USH2A: variants seen among roughly 807,000 people sequenced by gnomAD.
USH2A encodes usherin, also known as Usher syndrome 2A (autosomal recessive, mild).
Under a neutral mutation model 538.9 loss-of-function variants are expected in USH2A, and 443 were observed. That is an observed-to-expected ratio of 0.82 (90% confidence interval 0.76 to 0.89). The LOEUF is 0.89. Ranked by LOEUF, USH2A falls within the 40% of genes least tolerant of loss-of-function variation. The probability of loss-of-function intolerance (pLI) is 0.00; values close to 1 mark genes in which losing one functional copy is unlikely to be tolerated. For missense variants in USH2A, 6,633 were observed against 6,324.8 expected (o/e 1.05, Z -1.65); for synonymous variants, 2,413 against 2,273.5 (o/e 1.06, Z -1.75).
chr1:216,175,545 TCA>T, intron 20 of USH2A, 63 bp from the exon 21 acceptor site: 1 of 1,426,552 alleles, frequency 7.0e-7, no homozygotes, highest in Non-Finnish European at 9.9e-7. Flanking sequence ...ACACACATAT[TCA>T]CATATACGTA....
intron 36 of USH2A, 126 bp from the exon 37 acceptor site, chr1:215,965,605 T>A: frequency 1.9e-6 from 2 of 1,060,966 alleles, no homozygotes; most frequent in Non-Finnish European, 2.7e-6. Flanking sequence ...GCATCTTGTA[T>A]GAATACCTCA....
At chr1:215,793,889 CTT>C (rs1208399805) in intron 50 of USH2A, among the ~76,000 whole-genome samples, 2 of 152,182 alleles carry the variant, frequency 1.3e-5, no homozygotes, top group East Asian at 3.8e-4. Context: ...AATCTGTCCT[CTT>C]TGAATGAAAC....
chr1:215,912,491 G>A (rs112771890), intron 38 of USH2A, among the ~76,000 whole-genome samples: 719 of 17,186 alleles, frequency 0.042, 12 homozygotes, highest in East Asian at 0.16. Flanking sequence ...ATATATATAT[G>A]TGTATATATA....
intron 26 of USH2A, among the ~76,000 whole-genome samples, chr1:216,082,241 A>C (rs1206859341): frequency 9.3e-6 from 1 of 107,576 alleles, no homozygotes; most frequent in Admixed American, 9.4e-5. Context: ...TAAAGAAGAG[A>C]ACCAAGGTCC....
At chr1:216,117,194 T>C (rs968483861) in intron 21 of USH2A, among the ~76,000 whole-genome samples, 6 of 152,142 alleles carry the variant, frequency 3.9e-5, no homozygotes, top group African/African-American at 1.4e-4. Flanking sequence ...ACAAAGAACA[T>C]GTTAATAAAA....
At chr1:216,251,334 G>T (rs928412950) in intron 11 of USH2A, among the ~76,000 whole-genome samples, 2 of 151,462 alleles carry the variant, frequency 1.3e-5, no homozygotes, top group East Asian at 3.9e-4. Context: ...AAAGGGAAAT[G>T]GGGAATTAAC....
intron 4 of USH2A, among the ~76,000 whole-genome samples, chr1:216,331,886 C>A (rs956802024): frequency 3.9e-5 from 6 of 152,028 alleles, no homozygotes; most frequent in Non-Finnish European, 7.4e-5. Flanking sequence ...GTCTGTCTTC[C>A]ATAAAAGCAA....
At chr1:216,164,490 A>T (rs1395174008) in intron 21 of USH2A, among the ~76,000 whole-genome samples, 2 of 152,164 alleles carry the variant, frequency 1.3e-5, no homozygotes, top group African/African-American at 4.8e-5. Flanking sequence ...AGAAAATGAC[A>T]CATAGAGAGT....
intron 60 of USH2A, among the ~76,000 whole-genome samples, chr1:215,730,620 A>T (rs1659967959): frequency 6.6e-6 from 1 of 152,224 alleles, no homozygotes; most frequent in Admixed American, 6.5e-5. Context: ...GACAAAGTGA[A>T]TGACAGTTAC....
chr1:215,799,159 A>C (rs763512234), intron 49 of USH2A, 34 bp from the exon 50 acceptor site: 31 of 1,585,966 alleles, frequency 2.0e-5, no homozygotes, highest in Non-Finnish European at 2.4e-5. Context: ...TCATTACATC[A>C]GTTAAAAAAA....
At chr1:215,756,845 G>A (rs879807299) in intron 58 of USH2A, among the ~76,000 whole-genome samples, 6 of 151,896 alleles carry the variant, frequency 4.0e-5, no homozygotes, top group African/African-American at 4.8e-5. Context: ...CCTGGGAGGC[G>A]GAGGTTGCTG....
intron 5 of USH2A, among the ~76,000 whole-genome samples, chr1:216,326,981 T>G (rs1005900906): frequency 6.6e-6 from 1 of 152,184 alleles, no homozygotes; most frequent in Non-Finnish European, 1.5e-5. Context: ...TTTAAAATTC[T>G]GTGTGCTTTT....
chr1:216,382,660 T>C (rs2038940649), intron 3 of USH2A, among the ~76,000 whole-genome samples: 1 of 152,140 alleles, frequency 6.6e-6, no homozygotes, highest in African/African-American at 2.4e-5. Context: ...GTCATGGTTG[T>C]GAGTAAGAAT....
At chr1:215,916,075 C>A (rs1373704744) in intron 38 of USH2A, among the ~76,000 whole-genome samples, 4 of 150,320 alleles carry the variant, frequency 2.7e-5, no homozygotes, top group Non-Finnish European at 4.4e-5. Flanking sequence ...TTTAGGAGAT[C>A]TACCTAATGC....
chr1:216,131,419 C>A (rs1281036682), intron 21 of USH2A, among the ~76,000 whole-genome samples: 2 of 152,030 alleles, frequency 1.3e-5, no homozygotes, highest in Non-Finnish European at 2.9e-5. Context: ...CCAATGTTAT[C>A]TTCTAGAATT....
intron 61 of USH2A, among the ~76,000 whole-genome samples, chr1:215,715,081 C>T (rs1232184671): frequency 2.6e-5 from 4 of 152,152 alleles, no homozygotes; most frequent in African/African-American, 9.7e-5. Flanking sequence ...CACCTATTAA[C>T]CCATCACCTA....
At chr1:216,398,555 T>TACACACAA (rs144559223) in intron 3 of USH2A, among the ~76,000 whole-genome samples, 60,214 of 127,630 alleles carry the variant, frequency 0.47, 12,597 homozygotes, top group African/African-American at 0.58. Flanking sequence ...AGCACACCCA[T>TACACACAA]ACACACACAC....
rs534023228 is a variant in USH2A at position 216,071,935 on chromosome 1, G to T, written c.5857+954C>A. 5.9e-5 allele frequency among the ~76,000 whole-genome samples: 9 copies of T among 152,214 alleles called. 1 individual carries two copies. The East Asian group carries it at 1.7e-3, about 29-fold the overall frequency. ...AAAAGTGTCAAGTTGTCCTCTTCTG[G>T]AAAATATGTAGGTAGAGAGTCTTGA... On this transcript the variant is annotated intron_variant, in intron 29 of 71. Transcript: ENST00000307340.
At chr1:215,746,848 T>C (rs1335313608) in intron 58 of USH2A, among the ~76,000 whole-genome samples, 1 of 152,186 alleles carries the variant, frequency 6.6e-6, no homozygotes, top group Non-Finnish European at 1.5e-5. Flanking sequence ...TGTGCCTTTT[T>C]TTGGAGTATC....
Sources: gnomAD v4.1 joint callset for allele counts (sites outside exome capture counted in the v4.1 genomes callset) on GRCh38, gnomAD v4.1.1 for gene constraint, MANE v1.5 for transcripts, NCBI Gene and HGNC (gene_info 2026-07-23, HGNC 2026-07-21) for gene names.